The following AGBL4 variants were observed in gnomAD, a reference collection of about 807,000 sequenced individuals.
The protein encoded by AGBL4 is AGBL carboxypeptidase 4.
Under a neutral mutation model 66.4 loss-of-function variants are expected in AGBL4, and 58 were observed. The observed-to-expected ratio is 0.87, with a 90% CI of 0.71 to 1.09. AGBL4 has a LOEUF of 1.09. Among genes scored for constraint, AGBL4 ranks in the 50% least tolerant of loss-of-function variants. The probability of loss-of-function intolerance (pLI) is 0.00; values close to 1 mark genes in which losing one functional copy is unlikely to be tolerated. For synonymous variants in AGBL4, 234 were observed against 222.9 expected (o/e 1.05, Z -0.44); for missense variants, 579 against 631.0 (o/e 0.92, Z 0.88).
chr1:49,605,673 T>A (rs1016228810), intron 3 of AGBL4, among the ~76,000 whole-genome samples: 1 of 152,158 alleles, frequency 6.6e-6, no homozygotes, highest in Non-Finnish European at 1.5e-5. Context: ...TTTCACAGGA[T>A]GTAAGTGATG....
intron 1 of AGBL4, among the ~76,000 whole-genome samples, chr1:49,881,235 T>A (rs1045521697): frequency 6.6e-6 from 1 of 152,156 alleles, no homozygotes; most frequent in Non-Finnish European, 1.5e-5. Context: ...TTTTTATGGC[T>A]GCATAGTATT....
intron 5 of AGBL4, among the ~76,000 whole-genome samples, chr1:49,030,066 A>C (rs1664078161): frequency 6.6e-6 from 1 of 152,262 alleles, no homozygotes; most frequent in South Asian, 2.1e-4. Flanking sequence ...AGAAGAAAAC[A>C]TAGGAGTAAA....
At chr1:48,545,365 A>C (rs931801875) in intron 11 of AGBL4, among the ~76,000 whole-genome samples, 16 of 152,192 alleles carry the variant, frequency 1.1e-4, no homozygotes, top group Admixed American at 9.8e-4. Flanking sequence ...CTAACCTTGA[A>C]AGCCTCACTC....
intron 6 of AGBL4, among the ~76,000 whole-genome samples, chr1:48,699,251 G>A (rs1480152955): frequency 6.6e-6 from 1 of 152,218 alleles, no homozygotes; most frequent in Non-Finnish European, 1.5e-5. Flanking sequence ...TCTTAGGCAT[G>A]ATACAGACCC....
chr1:49,718,726 G>A (rs1439635317), intron 2 of AGBL4, among the ~76,000 whole-genome samples: 1 of 151,994 alleles, frequency 6.6e-6, no homozygotes, highest in African/African-American at 2.4e-5. Flanking sequence ...TCAGAATAAT[G>A]AGGGTATCTG....
chr1:49,584,477 A>G (rs1239601601), intron 3 of AGBL4, among the ~76,000 whole-genome samples: 1 of 152,104 alleles, frequency 6.6e-6, no homozygotes, highest in Non-Finnish European at 1.5e-5. Flanking sequence ...TCATCTTGGA[A>G]AGCAGTGACT....
At chr1:49,842,551 C>G (rs1194359570) in intron 2 of AGBL4, among the ~76,000 whole-genome samples, 1 of 152,182 alleles carries the variant, frequency 6.6e-6, no homozygotes, top group Non-Finnish European at 1.5e-5. Flanking sequence ...ACCAAGCACC[C>G]ATTTTGCTGT....
chr1:48,925,913 C>A (rs993456477), intron 5 of AGBL4, among the ~76,000 whole-genome samples: 14 of 152,132 alleles, frequency 9.2e-5, no homozygotes, highest in African/African-American at 3.4e-4. Context: ...CCTCCACTCT[C>A]CCCCTACAAC....
intron 2 of AGBL4, among the ~76,000 whole-genome samples, chr1:49,781,947 C>T (rs1392872615): frequency 6.6e-6 from 1 of 151,910 alleles, no homozygotes; most frequent in East Asian, 1.9e-4. Flanking sequence ...TTTCAACGAA[C>T]ATGTAGGGTA....
chr1:48,873,527 G>A (rs1252739439), intron 5 of AGBL4, among the ~76,000 whole-genome samples: 1 of 152,090 alleles, frequency 6.6e-6, no homozygotes, highest in Non-Finnish European at 1.5e-5. Context: ...GGTTGTGTGA[G>A]TTTCCTGAAG....
At chr1:49,101,410 A>G (rs1645199636) in intron 4 of AGBL4, among the ~76,000 whole-genome samples, 1 of 151,930 alleles carries the variant, frequency 6.6e-6, no homozygotes. Context: ...CTGGTCTGGA[A>G]CTCCTGACCT....
chr1:49,179,695 C>T (rs994539568), intron 4 of AGBL4, among the ~76,000 whole-genome samples: 9 of 151,690 alleles, frequency 5.9e-5, no homozygotes, highest in African/African-American at 2.2e-4. Flanking sequence ...AAAGCTATGA[C>T]ACAGAGAAAC....
At chr1:49,782,073 C>T (rs1238494798) in intron 2 of AGBL4, among the ~76,000 whole-genome samples, 1 of 151,212 alleles carries the variant, frequency 6.6e-6, no homozygotes, top group Non-Finnish European at 1.5e-5. Context: ...AAAAGTAGAG[C>T]AAACTAATCT....
intron 5 of AGBL4, among the ~76,000 whole-genome samples, chr1:49,040,763 C>A (rs1643917757): frequency 6.6e-6 from 1 of 151,960 alleles, no homozygotes. Context: ...TCGGCAGTTA[C>A]CTGCGACTGG....
At chr1:48,777,147 G>A (rs1477199282) in intron 6 of AGBL4, among the ~76,000 whole-genome samples, 1 of 152,094 alleles carries the variant, frequency 6.6e-6, no homozygotes, top group Non-Finnish European at 1.5e-5. Context: ...CGAATGGGGA[G>A]GGAAAAGGGT....
intron 3 of AGBL4, among the ~76,000 whole-genome samples, chr1:49,514,330 G>A (rs907644996): frequency 6.6e-6 from 1 of 151,902 alleles, no homozygotes; most frequent in African/African-American, 2.4e-5. Context: ...AACTTACAAG[G>A]GACGTGAAGG....
chr1:49,092,503 G>A (rs74947866), intron 4 of AGBL4, among the ~76,000 whole-genome samples: 3,777 of 152,062 alleles, frequency 0.025, 58 homozygotes, highest in Non-Finnish European at 0.036. Context: ...ATTCCTTGAG[G>A]CTCATTTTCT....
At chr1:48,753,750 C>A (rs566838836) in intron 6 of AGBL4, among the ~76,000 whole-genome samples, 1 of 152,194 alleles carries the variant, frequency 6.6e-6, no homozygotes, top group Non-Finnish European at 1.5e-5. Context: ...ATAAGACTAT[C>A]GGAATTGTCC....
intron 3 of AGBL4, among the ~76,000 whole-genome samples, chr1:49,526,465 A>G (rs1427959417): frequency 1.3e-5 from 2 of 152,106 alleles, no homozygotes; most frequent in Admixed American, 1.3e-4. Context: ...GCCTTTGCTT[A>G]ATAAGAGAAA....
Sources: allele counts gnomAD v4.1 joint callset (sites outside exome capture counted in the v4.1 genomes callset), GRCh38; gene constraint gnomAD v4.1.1; transcripts MANE v1.5; gene names NCBI Gene and HGNC (gene_info 2026-07-23, HGNC 2026-07-21).